The following RAB6B variants were observed in gnomAD, a reference collection of about 807,000 sequenced individuals.
The protein encoded by RAB6B is ras-related protein Rab-6B.
Under a neutral mutation model 31.2 loss-of-function variants are expected in RAB6B, and 7 were observed. The observed-to-expected ratio is 0.22, with a 90% CI of 0.13 to 0.42. The LOEUF is 0.42. Among genes scored for constraint, RAB6B ranks in the 10% least tolerant of loss-of-function variants. The pLI is 1.00. For synonymous variants in RAB6B, 105 were observed against 104.9 expected (o/e 1.00, Z -0.01); for missense variants, 149 against 280.6 (o/e 0.53, Z 3.35).
At chr3:133,832,120 C>T (rs1411018658) in intron 7 of RAB6B, among the ~76,000 whole-genome samples, 2 of 152,186 alleles carry the variant, frequency 1.3e-5, no homozygotes, top group African/African-American at 4.8e-5. Context: ...GCCCACACTA[C>T]TGCTCTTTCT....
At chr3:133,886,601 C>A (rs1936551340) in intron 1 of RAB6B, among the ~76,000 whole-genome samples, 1 of 152,092 alleles carries the variant, frequency 6.6e-6, no homozygotes, top group Admixed American at 6.6e-5. Context: ...GTCAAAGGGT[C>A]CTTCCATCTG....
At chr3:133,848,153 C>A (rs772230046) in intron 2 of RAB6B, among the ~76,000 whole-genome samples, 1 of 152,228 alleles carries the variant, frequency 6.6e-6, no homozygotes, top group Non-Finnish European at 1.5e-5. Flanking sequence ...TCCTCCAAAC[C>A]TGCTTCTGCT....
Position 133,842,463 on chromosome 3 carries a change from G to A in RAB6B, c.130-800C>T, listed in dbSNP as rs117432496. On this transcript the variant is annotated intron_variant, in intron 2 of 7. Coordinates refer to ENST00000285208, the MANE Select transcript of RAB6B (RefSeq NM_016577.4). ...GTCAATGTAAAATGGAGATATCACT[G>A]CTATGTAATCAATAATAACAAAGAC... 1.1e-3 allele frequency among the ~76,000 whole-genome samples: 168 copies of A among 152,318 alleles called. 3 individuals carry two copies. In the East Asian group the frequency reaches 0.032, roughly 29 times the overall value.
intron 2 of RAB6B, among the ~76,000 whole-genome samples, chr3:133,862,062 C>G (rs1273343737): frequency 6.6e-6 from 1 of 152,060 alleles, no homozygotes; most frequent in Non-Finnish European, 1.5e-5. Context: ...AGAATTGGAG[C>G]CCTGGTCTCC....
At chr3:133,891,144 T>A (rs1936632817) in intron 1 of RAB6B, among the ~76,000 whole-genome samples, 1 of 151,892 alleles carries the variant, frequency 6.6e-6, no homozygotes, top group Admixed American at 6.6e-5. Context: ...GGGGTCAGGA[T>A]GGGTCAGGCT....
At chr3:133,850,145 C>T (rs1454029768) in intron 2 of RAB6B, among the ~76,000 whole-genome samples, 7 of 152,148 alleles carry the variant, frequency 4.6e-5, no homozygotes, top group East Asian at 3.8e-4. Context: ...CAAAATAAAA[C>T]AGGCAAACAA....
In RAB6B at chr3:133,848,026, A is replaced by C. The variant is rs116005374; in HGVS notation, c.130-6363T>G. Among the ~76,000 whole-genome samples the C allele has an allele frequency of 5.5e-3, 836 of 152,264 alleles. 13 individuals are homozygous for C. Among genetic ancestry groups the C allele is most frequent in the African/African-American group, 0.019 (798 of 41,544 alleles). ...ATCAGTTCCCAATCTATAACCCAGGACTTACCCCTGTTCTGAGCCCCAAAT... is the reference window on the plus strand; with the variant it reads ...ATCAGTTCCCAATCTATAACCCAGGCCTTACCCCTGTTCTGAGCCCCAAAT... On this transcript the variant is annotated intron_variant, in intron 2 of 7. Transcript: ENST00000285208.
intron 2 of RAB6B, among the ~76,000 whole-genome samples, chr3:133,855,832 T>G (rs1013283454): frequency 1.3e-5 from 2 of 152,190 alleles, no homozygotes; most frequent in African/African-American, 4.8e-5. Context: ...AACCTCCTAC[T>G]CCCTTGCTTG....
chr3:133,843,016 G>A (rs1443040547), intron 2 of RAB6B, among the ~76,000 whole-genome samples: 1 of 152,206 alleles, frequency 6.6e-6, no homozygotes, highest in Admixed American at 6.5e-5. Flanking sequence ...GCAAAGGTAT[G>A]CACCAATGTG....
chr3:133,859,405 G>A (rs1191191038), intron 2 of RAB6B, among the ~76,000 whole-genome samples: 1 of 152,078 alleles, frequency 6.6e-6, no homozygotes, highest in Admixed American at 6.5e-5. Flanking sequence ...CTCTTTTCAC[G>A]CCCCTTTTCT....
intron 7 of RAB6B, among the ~76,000 whole-genome samples, chr3:133,831,920 C>T (rs1935661015): frequency 6.6e-6 from 1 of 152,214 alleles, no homozygotes; most frequent in Admixed American, 6.5e-5. Flanking sequence ...GACTCTACTG[C>T]AGCACAATCC....
intron 2 of RAB6B, among the ~76,000 whole-genome samples, chr3:133,859,857 C>T (rs1049009639): frequency 3.3e-5 from 5 of 152,114 alleles, no homozygotes; most frequent in Non-Finnish European, 7.3e-5. Flanking sequence ...AATGGCCAGG[C>T]CCCAGGAAAC....
chr3:133,894,105 G>C (rs1936673259), intron 1 of RAB6B, among the ~76,000 whole-genome samples: 1 of 152,340 alleles, frequency 6.6e-6, no homozygotes, highest in Admixed American at 6.5e-5. Flanking sequence ...CAGCACAGTA[G>C]CACTGTTCCT....
intron 2 of RAB6B, among the ~76,000 whole-genome samples, chr3:133,862,992 C>T (rs184715655): frequency 8.9e-4 from 135 of 152,346 alleles, no homozygotes; most frequent in African/African-American, 3.0e-3. Flanking sequence ...GACTTCAGAA[C>T]TAAGTCTGTT....
Position 133,838,279 on chromosome 3 carries a change from G to C in RAB6B, c.402-20C>G. ...ATCTGCCTAGAGATGAGGGGAAGGG[G>C]GGAAATCAGCTCAGCAGAGAAGCAG... On this transcript the variant is annotated intron_variant, in intron 5 of 7. Coordinates refer to ENST00000285208, the MANE Select transcript of RAB6B (RefSeq NM_016577.4). The C allele has an allele frequency of 6.2e-7, 1 of 1,605,412 alleles. No individual in the cohort carries two copies. The highest frequency in any genetic ancestry group is 8.5e-7 in the Non-Finnish European group (1 of 1,172,118).
At chr3:133,835,472 CTGTGTGTGTGTGTG>C (rs3840183) in intron 6 of RAB6B, among the ~76,000 whole-genome samples, 11 of 146,746 alleles carry the variant, frequency 7.5e-5, no homozygotes, top group Admixed American at 2.7e-4. Context: ...TGTGGGTTTT[CTGTGTGTGTGTGTG>C]TGTGTGTGTG....
chr3:133,866,393 TTCAGGATTCTGCCAGG>T (rs1227235839), intron 1 of RAB6B, among the ~76,000 whole-genome samples: 1 of 151,904 alleles, frequency 6.6e-6, no homozygotes, highest in Non-Finnish European at 1.5e-5. Flanking sequence ...TCATGCTGGG[TTCAGGATTCTGCCAGG>T]TCAGGATTCT....
chr3:133,841,272 G>A lies in RAB6B; in HGVS notation c.289+13C>T. 1 of 1,613,882 alleles carries A rather than the reference G, an allele frequency of 6.2e-7. No homozygotes were observed. Among genetic ancestry groups the A allele is most frequent in the East Asian group, 2.2e-5 (1 of 44,858 alleles). On this transcript the variant is annotated intron_variant, in intron 4 of 7. Transcript: ENST00000285208. ...TATGAGCCACCCTCCCTTAGGAGCAGAGCCTCACTCACTTGTGATGTCGTA... is the reference window on the plus strand; with the variant it reads ...TATGAGCCACCCTCCCTTAGGAGCAAAGCCTCACTCACTTGTGATGTCGTA...
At position 133,844,275 on chromosome 3, in the gene RAB6B, C is replaced by T. The variant is rs867099381; in HGVS notation, c.130-2612G>A. On this transcript the variant is annotated intron_variant, in intron 2 of 7. Transcript: ENST00000285208. The stretch of plus-strand genomic sequence containing the variant: ...ATAACAGACTAACCAGAGGCAGCAA[C>T]GAGGAACCTGAACAAGGCCAACATC... 7.9e-5 allele frequency among the ~76,000 whole-genome samples: 12 copies of T among 152,312 alleles called. No homozygotes were observed. In the South Asian group the frequency reaches 1.5e-3, roughly 18 times the overall value.
Sources: allele counts gnomAD v4.1 joint callset (sites outside exome capture counted in the v4.1 genomes callset), GRCh38; gene constraint gnomAD v4.1.1; transcripts MANE v1.5; gene names NCBI Gene and HGNC (gene_info 2026-07-23, HGNC 2026-07-21).